Variants in FHIT observed in about 807,000 individuals in gnomAD.
FHIT encodes the protein fragile histidine triad diadenosine triphosphatase, also known as bis(5'-adenosyl)-triphosphatase.
In FHIT, 19 loss-of-function variants were observed where a neutral mutation model predicts 17.9. That is an observed-to-expected ratio of 1.06 (90% CI 0.74 to 1.56). The LOEUF is 1.56. FHIT is among the 40% of genes most tolerant of loss of function. FHIT has a pLI of 0.00. For synonymous variants in FHIT, 81 were observed against 69.7 expected (o/e 1.16, Z -0.81); for missense variants, 248 against 189.2 (o/e 1.31, Z -1.82).
chr3:61,191,071 T>TA (rs1472848940), intron 2 of FHIT, among the ~76,000 whole-genome samples: 3 of 150,760 alleles, frequency 2.0e-5, no homozygotes, highest in African/African-American at 7.4e-5. Context: ...CCCTAAAACT[T>TA]AAAGTATAAT....
chr3:60,237,753 T>C (rs890032041), intron 5 of FHIT, among the ~76,000 whole-genome samples: 3 of 152,152 alleles, frequency 2.0e-5, no homozygotes, highest in Non-Finnish European at 4.4e-5. Flanking sequence ...AAACTGAAGA[T>C]GTCTCTACCT....
chr3:59,963,505 C>T (rs1707784438), intron 7 of FHIT, among the ~76,000 whole-genome samples: 1 of 151,918 alleles, frequency 6.6e-6, no homozygotes, highest in Admixed American at 6.6e-5. Flanking sequence ...AAAGAGATAT[C>T]ACAGAATTAG....
intron 4 of FHIT, among the ~76,000 whole-genome samples, chr3:60,604,463 G>T (rs1196768201): frequency 1.3e-5 from 2 of 152,166 alleles, no homozygotes; most frequent in Non-Finnish European, 2.9e-5. Flanking sequence ...TCTAGGAAGA[G>T]CCAGACATGC....
intron 5 of FHIT, among the ~76,000 whole-genome samples, chr3:60,452,487 T>C (rs570761352): frequency 5.0e-4 from 76 of 152,276 alleles, no homozygotes; most frequent in African/African-American, 1.8e-3. Context: ...TCAAAAGACA[T>C]TGGAATTTAC....
chr3:60,213,180 T>G (rs995965979), intron 5 of FHIT, among the ~76,000 whole-genome samples: 1 of 152,148 alleles, frequency 6.6e-6, no homozygotes. Context: ...ATTCCAATGA[T>G]AGAGAGAACA....
intron 8 of FHIT, among the ~76,000 whole-genome samples, chr3:59,790,673 T>C (rs1046127819): frequency 6.6e-6 from 1 of 152,206 alleles, no homozygotes; most frequent in Admixed American, 6.5e-5. Flanking sequence ...CCTACTATAA[T>C]GCTCTTCTCT....
At chr3:60,463,417 AC>A (rs2107419707) in intron 5 of FHIT, among the ~76,000 whole-genome samples, 1 of 152,322 alleles carries the variant, frequency 6.6e-6, no homozygotes, top group Non-Finnish European at 1.5e-5. Flanking sequence ...CATAAGGCTA[AC>A]CAATGAAACA....
chr3:60,679,478 A>AT (rs2040697281), intron 4 of FHIT, among the ~76,000 whole-genome samples: 1 of 152,032 alleles, frequency 6.6e-6, no homozygotes, highest in Non-Finnish European at 1.5e-5. Context: ...TTTTTTTGCT[A>AT]TTTGTTTAAT....
At chr3:60,499,395 G>A (rs1334376766) in intron 5 of FHIT, among the ~76,000 whole-genome samples, 1 of 152,026 alleles carries the variant, frequency 6.6e-6, no homozygotes, top group African/African-American at 2.4e-5. Flanking sequence ...CACCCCCACA[G>A]GTCTTCGTGT....
intron 5 of FHIT, among the ~76,000 whole-genome samples, chr3:60,192,043 G>C (rs1302658342): frequency 6.6e-6 from 1 of 152,040 alleles, no homozygotes; most frequent in African/African-American, 2.4e-5. Flanking sequence ...TTGAGACCAG[G>C]AGTTCGAGAC....
chr3:61,199,269 C>T (rs1449543703), intron 2 of FHIT, among the ~76,000 whole-genome samples: 1 of 152,092 alleles, frequency 6.6e-6, no homozygotes, highest in Non-Finnish European at 1.5e-5. Flanking sequence ...ATATCTGTGC[C>T]AAAAGATTAC....
chr3:60,150,359 A>T (rs2107328130), intron 5 of FHIT, among the ~76,000 whole-genome samples: 1 of 152,226 alleles, frequency 6.6e-6, no homozygotes, highest in Admixed American at 6.5e-5. Context: ...TGGGTATAAA[A>T]TATATTGGAG....
chr3:59,806,943 A>G (rs1212892249), intron 8 of FHIT, among the ~76,000 whole-genome samples: 1 of 152,168 alleles, frequency 6.6e-6, no homozygotes, highest in Non-Finnish European at 1.5e-5. Context: ...GTCTCAGCTC[A>G]GACAGTTCCA....
At chr3:60,422,358 A>ATTT (rs1702509104) in intron 5 of FHIT, among the ~76,000 whole-genome samples, 17 of 152,180 alleles carry the variant, frequency 1.1e-4, no homozygotes, top group African/African-American at 4.1e-4. Flanking sequence ...CTTGGAATCA[A>ATTT]GCAGCATGGA....
At chr3:59,837,287 C>G (rs182817904) in intron 8 of FHIT, among the ~76,000 whole-genome samples, 32 of 152,242 alleles carry the variant, frequency 2.1e-4, no homozygotes, top group Non-Finnish European at 1.0e-4. Flanking sequence ...ATGTTCAGGT[C>G]GCTGATATAA....
At position 59,747,407 on chromosome 3, in the gene FHIT, C is replaced by T. The variant is rs755629482; in HGVS notation, c.*2178G>A. Among the ~76,000 whole-genome samples, 1 of 152,104 alleles carries T rather than the reference C, an allele frequency of 6.6e-6. No individual in the cohort carries two copies. The highest frequency in any genetic ancestry group is 1.5e-5 in the Non-Finnish European group (1 of 68,006). On this transcript the variant is annotated 3_prime_UTR_variant, in exon 10 of 10. Coordinates refer to ENST00000492590, the MANE Select transcript of FHIT (RefSeq NM_002012.4). The stretch of plus-strand genomic sequence containing the variant: ...GGAAATGTCCTTTATAAAACCATCA[C>T]TATCAATCATGAGAACAGCATGGGA...
intron 3 of FHIT, among the ~76,000 whole-genome samples, chr3:60,984,086 ATCT>A: frequency 6.6e-6 from 1 of 152,200 alleles, no homozygotes; most frequent in Non-Finnish European, 1.5e-5. Flanking sequence ...GCGTCTGTGG[ATCT>A]TCTTGATATT....
At chr3:60,845,276 G>T (rs1237810058) in intron 3 of FHIT, among the ~76,000 whole-genome samples, 3 of 151,690 alleles carry the variant, frequency 2.0e-5, no homozygotes, top group African/African-American at 7.3e-5. Context: ...GCAGAATTAT[G>T]TGAACAATAA....
intron 4 of FHIT, among the ~76,000 whole-genome samples, chr3:60,611,626 A>T (rs2038788423): frequency 6.6e-6 from 1 of 152,154 alleles, no homozygotes; most frequent in Non-Finnish European, 1.5e-5. Flanking sequence ...ATCTGTGATG[A>T]TTTTTATGTA....
Sources: allele counts gnomAD v4.1 joint callset (sites outside exome capture counted in the v4.1 genomes callset), GRCh38; gene constraint gnomAD v4.1.1; transcripts MANE v1.5; gene names NCBI Gene and HGNC (gene_info 2026-07-23, HGNC 2026-07-21).